The following GIT2 variants were observed in gnomAD, a reference collection of about 807,000 sequenced individuals.
GIT2 encodes the protein GIT ArfGAP 2.
GIT2 carries 32 observed loss-of-function variants against 100.3 expected under a neutral mutation model. The observed-to-expected ratio is 0.32, with a 90% CI of 0.24 to 0.43. The LOEUF (loss-of-function observed/expected upper bound fraction) is 0.43. Among genes scored for constraint, GIT2 ranks in the 20% least tolerant of loss-of-function variants. The probability of loss-of-function intolerance (pLI) is 1.00; values close to 1 mark genes in which losing one functional copy is unlikely to be tolerated. For synonymous variants in GIT2, 353 were observed against 364.1 expected (o/e 0.97, Z 0.35); for missense variants, 737 against 975.1 (o/e 0.76, Z 3.25).
intron 1 of GIT2, among the ~76,000 whole-genome samples, chr12:109,995,444 T>C (rs899886338): frequency 2.0e-5 from 3 of 152,216 alleles, no homozygotes; most frequent in Non-Finnish European, 2.9e-5. Context: ...GATATGATTC[T>C]ACGAGTATTC....
At chr12:109,972,499 C>T (rs1024726838) in intron 7 of GIT2, among the ~76,000 whole-genome samples, 25 of 150,262 alleles carry the variant, frequency 1.7e-4, no homozygotes, top group Non-Finnish European at 2.8e-4. Flanking sequence ...GACACAGTCT[C>T]GCTCTGTCGC....
intron 3 of GIT2, 53 bp from the exon 4 acceptor site, chr12:109,989,121 C>T: frequency 9.4e-7 from 1 of 1,066,028 alleles, no homozygotes; most frequent in East Asian, 2.4e-5. Context: ...ACAACAATCC[C>T]CATTCTTTGT....
chr12:109,963,235 A>C (rs1000129338), intron 9 of GIT2, among the ~76,000 whole-genome samples: 1 of 152,188 alleles, frequency 6.6e-6, no homozygotes, highest in Admixed American at 6.5e-5. Flanking sequence ...CCCTTTCTCT[A>C]TTTTCCAAAT....
intron 9 of GIT2, among the ~76,000 whole-genome samples, 189 bp from the exon 10 acceptor site, chr12:109,961,874 C>T (rs996933512): frequency 1.3e-5 from 2 of 152,192 alleles, no homozygotes; most frequent in Non-Finnish European, 2.9e-5. Context: ...CTGCCAACCA[C>T]AGCAATTTCA....
At chr12:109,945,205 CG>C (rs987485973) in intron 16 of GIT2, 54 bp downstream of exon 16, 2 of 852,452 alleles carry the variant, frequency 2.3e-6, no homozygotes, top group Admixed American at 1.9e-5. Flanking sequence ...AAGCACAAAG[CG>C]CCCAGGAGCA....
Position 109,992,753 on chromosome 12 carries a change from C to T in GIT2, c.53-993G>A, listed in dbSNP as rs140252872. Among the ~76,000 whole-genome samples the T allele has an allele frequency of 2.0e-3, 302 of 152,202 alleles. 1 individual carries two copies. Among genetic ancestry groups the T allele is most frequent in the African/African-American group, 7.1e-3 (293 of 41,538 alleles). Reference sequence around the variant, plus strand: ...GTGGCGCAATCTCGGCTCACTGCAACTTCTGCCTCCAGGGTTCAAGCGATT... The same window carrying T: ...GTGGCGCAATCTCGGCTCACTGCAATTTCTGCCTCCAGGGTTCAAGCGATT... On this transcript the variant is annotated intron_variant, in intron 1 of 19. Coordinates refer to ENST00000355312, the MANE Select transcript of GIT2 (RefSeq NM_057169.5).
intron 16 of GIT2, chr12:109,939,671 A>T (rs569219283): frequency 6.8e-6 from 1 of 146,664 alleles, no homozygotes; most frequent in Non-Finnish European, 1.5e-5. Flanking sequence ...GGCAACATTT[A>T]AAAAATAAAT....
At chr12:109,993,470 G>A (rs1275340401) in intron 1 of GIT2, among the ~76,000 whole-genome samples, 1 of 152,164 alleles carries the variant, frequency 6.6e-6, no homozygotes, top group Non-Finnish European at 1.5e-5. Flanking sequence ...GTGGTTAAGA[G>A]GGTTGGCTCT....
rs1349953696 is a variant in GIT2 at position 109,962,875 on chromosome 12, G to A, written c.817-1190C>T. 6.6e-6 allele frequency among the ~76,000 whole-genome samples: 1 copy of A among 152,158 alleles called. No individual in the cohort carries two copies. The highest frequency in any genetic ancestry group is 1.5e-5 in the Non-Finnish European group (1 of 68,024). ...CTACAGGCTGGGTGTGGTGGCTCAT[G>A]CCTATAATCCCAACACTTTGGGAGG... On this transcript the variant is annotated intron_variant, in intron 9 of 19. Coordinates refer to ENST00000355312, the MANE Select transcript of GIT2 (RefSeq NM_057169.5). The surrounding 1 kb of genome is among the most constrained non-coding windows in gnomAD (Gnocchi z 4.3).
intron 16 of GIT2, among the ~76,000 whole-genome samples, chr12:109,940,718 A>G (rs1874402078): frequency 6.6e-6 from 1 of 152,000 alleles, no homozygotes; most frequent in South Asian, 2.1e-4. Flanking sequence ...CATCGCTACT[A>G]AAAGTACAAA....
At chr12:109,958,796 T>C (rs1880271471) in intron 12 of GIT2, among the ~76,000 whole-genome samples, 1 of 152,214 alleles carries the variant, frequency 6.6e-6, no homozygotes, top group African/African-American at 2.4e-5. Flanking sequence ...GTCTAATTTC[T>C]ATAATTAGAA....
intron 12 of GIT2, among the ~76,000 whole-genome samples, chr12:109,954,908 AAATAAT>A (rs1015474966): frequency 6.6e-6 from 1 of 150,864 alleles, no homozygotes; most frequent in Non-Finnish European, 1.5e-5. Flanking sequence ...AAAAAAAAAA[AAATAAT>A]AATAATAATA....
Position 109,951,096 on chromosome 12 carries a change from C to T in GIT2, c.1392+71G>A. 4.5e-6 allele frequency: 6 copies of T among 1,327,448 alleles called. No homozygotes were observed. The South Asian group carries it at 4.8e-5, about 11-fold the overall frequency. 82.2% of individuals were successfully genotyped at this position (1,327,448 alleles called of 1,614,324 possible). A position where few individuals can be genotyped will look rare whatever the true frequency, so the allele number is the denominator to read the frequency against. ...GTTTTTCTTTCCTCGGACCACATCACAGTGCCTGAGATTCTTCCTTGTACT... is the reference window on the plus strand; with the variant it reads ...GTTTTTCTTTCCTCGGACCACATCATAGTGCCTGAGATTCTTCCTTGTACT... On this transcript the variant is annotated intron_variant, in intron 14 of 19. Coordinates refer to ENST00000355312, the MANE Select transcript of GIT2 (RefSeq NM_057169.5).
At chr12:109,960,749 T>C (rs1023895502) in intron 11 of GIT2, among the ~76,000 whole-genome samples, 1 of 152,242 alleles carries the variant, frequency 6.6e-6, no homozygotes, top group Non-Finnish European at 1.5e-5. Context: ...CAATGGTGCT[T>C]TGATGAAAAT....
chr12:109,953,305 G>T, intron 12 of GIT2, 71 bp from the exon 13 acceptor site: 1 of 1,527,680 alleles, frequency 6.5e-7, no homozygotes, highest in Non-Finnish European at 9.0e-7. Context: ...CTACGGAGAG[G>T]ATTTTTTGGT....
At chr12:109,969,753 T>C (rs561471261) in intron 7 of GIT2, among the ~76,000 whole-genome samples, 1 of 151,832 alleles carries the variant, frequency 6.6e-6, no homozygotes, top group African/African-American at 2.4e-5. Context: ...AGATTTTCTC[T>C]TATGTTTTCT....
In GIT2 at chr12:109,947,791, C is replaced by T; in HGVS notation, c.1393-287G>A. ...AATGTCTAACCACTTTAAAATTTGT[C>T]ATGGTGGGGCTGGGAAATGTTTGCA... On this transcript the variant is annotated intron_variant, in intron 14 of 19. Coordinates refer to ENST00000355312, the MANE Select transcript of GIT2 (RefSeq NM_057169.5). The surrounding 1 kb of genome is among the most constrained non-coding windows in gnomAD (Gnocchi z 4.3). 1 of 353,534 alleles carries T rather than the reference C, an allele frequency of 2.8e-6. No individual in the cohort carries two copies. The allele number at this position is 353,534 out of a possible 1,614,324, so 21.9% of individuals were successfully genotyped here. A position where few individuals can be genotyped will look rare whatever the true frequency, so the allele number is the denominator to read the frequency against.
At chr12:109,998,748 G>C (rs555956973), upstream of GIT2, 5 of 152,264 alleles carry the variant, frequency 3.3e-5, no homozygotes, top group African/African-American at 4.8e-5. Flanking sequence ...AATAGAAGCG[G>C]TTCTCAACTG....
chr12:109,951,220 G>A lies in GIT2; in HGVS notation c.1339C>T (p.Leu447=). 6.2e-7 allele frequency: 1 copy of A among 1,613,252 alleles called. No individual in the cohort carries two copies. The highest frequency in any genetic ancestry group is 2.2e-5 in the East Asian group (1 of 44,870). The part of the protein sequence containing the change: ...LVASEAKIQQ[L]MKVNNNLSDE... The stretch of plus-strand genomic sequence containing the variant: ...CTCAAGTTGTTATTCACCTTCATTA[G>A]CTGCTGTATCTTGGCCTCAGAAGCC... Residue 447 remains leucine, a synonymous_variant, in exon 14 of 20, where the codon CTA becomes TTA. Transcript: ENST00000355312.
Sources: gnomAD v4.1 joint callset for allele counts (sites outside exome capture counted in the v4.1 genomes callset) on GRCh38, gnomAD v4.1.1 for gene constraint, Gnocchi (gnomAD v3.1) non-coding constraint, MANE v1.5 for transcripts, NCBI Gene and HGNC (gene_info 2026-07-23, HGNC 2026-07-21) for gene names.